GALNT13: variants seen among roughly 807,000 people sequenced by gnomAD.
GALNT13 encodes UDP-GalNAc:polypeptide N-acetylgalactosaminyltransferase 13.
A neutral mutation model predicts 64.2 loss-of-function variants in GALNT13; 28 were observed. The observed-to-expected ratio is 0.44, with a 90% confidence interval of 0.32 to 0.60. The LOEUF (loss-of-function observed/expected upper bound fraction) is 0.60. Among genes scored for constraint, GALNT13 ranks in the 20% least tolerant of loss-of-function variants. The pLI is 0.05. For missense variants in GALNT13, 577 were observed against 669.8 expected, an observed-to-expected ratio of 0.86 and a Z score of 1.53; for synonymous variants, 214 against 224.6, an observed-to-expected ratio of 0.95 and a Z score of 0.42.
At chr2:154,042,647 A>T (rs1373845279) in intron 3 of GALNT13, among the ~76,000 whole-genome samples, 1 of 96,550 alleles carries the variant, frequency 1.0e-5, no homozygotes, top group Non-Finnish European at 2.9e-5. Context: ...ATGGCTGCAG[A>T]TACTATGTTA....
chr2:153,832,340 A>G, the GALNT13 span, among the ~76,000 whole-genome samples: 11 of 152,160 alleles, frequency 7.2e-5, no homozygotes, highest in African/African-American at 2.7e-4. Flanking sequence ...AAGGCATAAA[A>G]TAGAATTTCA....
At chr2:153,194,239 A>G in the GALNT13 span, among the ~76,000 whole-genome samples, 1 of 152,124 alleles carries the variant, frequency 6.6e-6, no homozygotes, top group Admixed American at 6.5e-5. Flanking sequence ...TGAATTTTAG[A>G]TCACTTTTTG....
chr2:153,386,564 G>A, the GALNT13 span, among the ~76,000 whole-genome samples: 14 of 152,146 alleles, frequency 9.2e-5, no homozygotes, highest in African/African-American at 3.1e-4. Flanking sequence ...TTGGGCCAGA[G>A]AGCAACATTC....
chr2:153,406,836 A>C, the GALNT13 span, among the ~76,000 whole-genome samples: 1 of 152,214 alleles, frequency 6.6e-6, no homozygotes, highest in East Asian at 1.9e-4. Flanking sequence ...TAATGAATTG[A>C]ACTTAGTAAT....
the GALNT13 span, among the ~76,000 whole-genome samples, chr2:153,454,423 C>G: frequency 6.6e-6 from 1 of 152,150 alleles, no homozygotes; most frequent in Non-Finnish European, 1.5e-5. Flanking sequence ...CAGCTGAGAC[C>G]TGTTCTTTGA....
the GALNT13 span, among the ~76,000 whole-genome samples, chr2:153,540,312 C>T: frequency 1.3e-5 from 2 of 152,194 alleles, no homozygotes; most frequent in Non-Finnish European, 1.5e-5. Context: ...GCATAGAAGA[C>T]AAGAGTTGAT....
At chr2:153,332,569 C>T in the GALNT13 span, among the ~76,000 whole-genome samples, 308 of 141,418 alleles carry the variant, frequency 2.2e-3, 2 homozygotes, top group African/African-American at 7.7e-3. Context: ...CCCTTTCCCT[C>T]TTAGGGTGTG....
the GALNT13 span, among the ~76,000 whole-genome samples, chr2:153,474,206 AAGAGAG>A: frequency 6.6e-6 from 1 of 152,198 alleles, no homozygotes; most frequent in Non-Finnish European, 1.5e-5. Context: ...GAAACATCTT[AAGAGAG>A]AACACGTTAA....
intron 9 of GALNT13, among the ~76,000 whole-genome samples, chr2:154,329,439 T>A (rs577329362): frequency 6.6e-6 from 1 of 152,328 alleles, no homozygotes; most frequent in African/African-American, 2.4e-5. Flanking sequence ...TGATTAAAGT[T>A]ATTTTTAAAA....
the GALNT13 span, among the ~76,000 whole-genome samples, chr2:153,759,567 T>C: frequency 6.6e-6 from 1 of 152,132 alleles, no homozygotes; most frequent in African/African-American, 2.4e-5. Context: ...ATTGATCATA[T>C]GGTTTTTGCC....
At chr2:153,835,758 A>C in the GALNT13 span, among the ~76,000 whole-genome samples, 2 of 152,088 alleles carry the variant, frequency 1.3e-5, no homozygotes, top group Non-Finnish European at 2.9e-5. Flanking sequence ...ATATTAAAAT[A>C]CTTTAAATAT....
chr2:153,710,617 A>G, the GALNT13 span, among the ~76,000 whole-genome samples: 1 of 152,088 alleles, frequency 6.6e-6, no homozygotes, highest in Admixed American at 6.6e-5. Context: ...TGATTTCCCT[A>G]TTAGAATATA....
chr2:153,809,367 T>C, the GALNT13 span, among the ~76,000 whole-genome samples: 2 of 152,242 alleles, frequency 1.3e-5, no homozygotes, highest in African/African-American at 2.4e-5. Context: ...ATTAGTTCCA[T>C]GCTTAAAAAT....
chr2:153,949,720 G>T (rs1692029793), intron 3 of GALNT13, among the ~76,000 whole-genome samples: 1 of 151,932 alleles, frequency 6.6e-6, no homozygotes, highest in Non-Finnish European at 1.5e-5. Context: ...TGTAATTAAG[G>T]CTATATAATT....
At chr2:154,328,515 G>T (rs1242152925) in intron 9 of GALNT13, among the ~76,000 whole-genome samples, 1 of 151,926 alleles carries the variant, frequency 6.6e-6, no homozygotes, top group Non-Finnish European at 1.5e-5. Flanking sequence ...ATGTTTTCTG[G>T]TGCATAGCTA....
chr2:153,265,911 AAAG>A, the GALNT13 span, among the ~76,000 whole-genome samples: 1 of 152,230 alleles, frequency 6.6e-6, no homozygotes, highest in Non-Finnish European at 1.5e-5. Flanking sequence ...TTCAATTTTG[AAAG>A]AAGATCTAGT....
At chr2:153,439,643 G>T in the GALNT13 span, among the ~76,000 whole-genome samples, 1 of 152,198 alleles carries the variant, frequency 6.6e-6, no homozygotes, top group Non-Finnish European at 1.5e-5. Flanking sequence ...ATCTCCTGGT[G>T]TGCCGTTTGT....
At chr2:154,280,975 G>T (rs747289539) in intron 8 of GALNT13, among the ~76,000 whole-genome samples, 1 of 152,014 alleles carries the variant, frequency 6.6e-6, no homozygotes, top group African/African-American at 2.4e-5. Context: ...ATTATACAAC[G>T]AGGAAAACAA....
chr2:153,082,732 T>TTA, the GALNT13 span, among the ~76,000 whole-genome samples: 3 of 144,296 alleles, frequency 2.1e-5, no homozygotes, highest in South Asian at 2.2e-4. Flanking sequence ...TTAGGCTGGT[T>TTA]TATATATATA....
Sources: gnomAD v4.1 joint callset for allele counts (sites outside exome capture counted in the v4.1 genomes callset) on GRCh38, gnomAD v4.1.1 for gene constraint, MANE v1.5 for transcripts, NCBI Gene and HGNC (gene_info 2026-07-23, HGNC 2026-07-21) for gene names.